Variants in TAB2 observed in about 807,000 individuals in gnomAD.
TAB2 encodes TGF-beta activated kinase 1 (MAP3K7) binding protein 2, also known as TGF-beta-activated kinase 1 and MAP3K7-binding protein 2.
A neutral mutation model predicts 65.0 loss-of-function variants in TAB2; 3 were observed. The ratio of observed to expected loss-of-function variants is 0.05; its 90% confidence interval spans 0.02 to 0.12. The LOEUF (loss-of-function observed/expected upper bound fraction) is 0.12. TAB2 is among the 10% of genes least tolerant of loss of function. TAB2 has a pLI of 1.00. For synonymous variants in TAB2, 298 were observed against 285.1 expected (o/e 1.05, Z -0.46); for missense variants, 623 against 840.3 (o/e 0.74, Z 3.20).
intron 1 of TAB2, among the ~76,000 whole-genome samples, chr6:149,309,497 C>T (rs1194842671): frequency 2.6e-5 from 4 of 151,708 alleles, no homozygotes; most frequent in African/African-American, 9.7e-5. Context: ...CCCAGGTTCA[C>T]ACCTTTCTCC....
intron 3 of TAB2, among the ~76,000 whole-genome samples, chr6:149,383,708 G>T (rs920609571): frequency 6.6e-6 from 1 of 152,056 alleles, no homozygotes; most frequent in Non-Finnish European, 1.5e-5. Context: ...TCAGCCTCCC[G>T]GGTAGCTGTG....
At chr6:149,323,718 A>G (rs1261053017) in intron 1 of TAB2, among the ~76,000 whole-genome samples, 1 of 152,232 alleles carries the variant, frequency 6.6e-6, no homozygotes, top group East Asian at 1.9e-4. Context: ...GACTTCTGTC[A>G]GGTTATGAGG....
chr6:149,351,261 C>A (rs73613059), intron 1 of TAB2, among the ~76,000 whole-genome samples: 1 of 152,078 alleles, frequency 6.6e-6, no homozygotes, highest in African/African-American at 2.4e-5. Context: ...TTTTTTGTCC[C>A]GTATGCATTG....
chr6:149,400,036 A>G (rs1470525471), intron 6 of TAB2, among the ~76,000 whole-genome samples: 1 of 152,266 alleles, frequency 6.6e-6, no homozygotes, highest in Non-Finnish European at 1.5e-5. Context: ...ATAACAAGAC[A>G]ATAAGAGGAA....
At chr6:149,352,326 C>T (rs930290051) in intron 1 of TAB2, among the ~76,000 whole-genome samples, 2 of 152,064 alleles carry the variant, frequency 1.3e-5, no homozygotes, top group Non-Finnish European at 2.9e-5. Context: ...CTACATTTTC[C>T]TACACTCTTA....
At chr6:149,271,921 C>T (rs1199658241) in intron 1 of TAB2, among the ~76,000 whole-genome samples, 2 of 152,064 alleles carry the variant, frequency 1.3e-5, no homozygotes, top group African/African-American at 4.8e-5. Flanking sequence ...AGTGGCCTCA[C>T]ACTCTGAAGG....
chr6:149,218,820 G>A (rs1441285368), intron 1 of TAB2: 10 of 455,188 alleles, frequency 2.2e-5, no homozygotes, highest in South Asian at 1.4e-4. Context: ...AGGATCTTCT[G>A]TGATCTTGTG....
intron 1 of TAB2, among the ~76,000 whole-genome samples, chr6:149,220,205 C>T (rs1777112767): frequency 6.6e-6 from 1 of 152,108 alleles, no homozygotes; most frequent in African/African-American, 2.4e-5. Flanking sequence ...AAATTCAGCT[C>T]TATACAGATA....
chr6:149,236,813 G>C (rs568659988), intron 1 of TAB2, among the ~76,000 whole-genome samples: 2 of 152,264 alleles, frequency 1.3e-5, no homozygotes, highest in East Asian at 1.9e-4. Flanking sequence ...GACAAGAGCT[G>C]TTTGAAGCCA....
At chr6:149,249,035 C>CTA (rs61028510) in intron 1 of TAB2, among the ~76,000 whole-genome samples, 29,157 of 151,770 alleles carry the variant, frequency 0.19, 2,927 homozygotes, top group East Asian at 0.35. Flanking sequence ...AGATTCCTTC[C>CTA]TATATTTTAT....
At chr6:149,405,386 C>G (rs993869429) in intron 6 of TAB2, among the ~76,000 whole-genome samples, 1 of 152,140 alleles carries the variant, frequency 6.6e-6, no homozygotes, top group Non-Finnish European at 1.5e-5. Context: ...TGTATGATCT[C>G]GCAATCGCAC....
At chr6:149,370,488 G>A (rs1260088121) in intron 2 of TAB2, among the ~76,000 whole-genome samples, 1 of 151,900 alleles carries the variant, frequency 6.6e-6, no homozygotes, top group African/African-American at 2.4e-5. Context: ...ATCCTAAATG[G>A]GCACCCCAAG....
At chr6:149,406,354 A>G (rs918304976) in intron 6 of TAB2, among the ~76,000 whole-genome samples, 6 of 152,218 alleles carry the variant, frequency 3.9e-5, no homozygotes, top group Non-Finnish European at 8.8e-5. Context: ...ACACCCTAAA[A>G]AAATGTATGG....
intron 1 of TAB2, among the ~76,000 whole-genome samples, chr6:149,228,465 A>T (rs1205965266): frequency 1.3e-5 from 2 of 151,884 alleles, no homozygotes; most frequent in East Asian, 1.9e-4. Flanking sequence ...GGAGCTCTCA[A>T]CTCTGACTTC....
intron 1 of TAB2, among the ~76,000 whole-genome samples, chr6:149,270,039 G>C (rs1386104663): frequency 1.3e-5 from 2 of 152,226 alleles, no homozygotes; most frequent in Non-Finnish European, 2.9e-5. Context: ...AAAGGGCTGT[G>C]CCATTTTGCA....
At chr6:149,238,832 A>G (rs533404755) in intron 1 of TAB2, among the ~76,000 whole-genome samples, 8 of 152,286 alleles carry the variant, frequency 5.3e-5, no homozygotes, top group Admixed American at 2.6e-4. Context: ...TGTCCCATTC[A>G]AAGGAAGCTT....
At chr6:149,220,213 A>G (rs1777112931) in intron 1 of TAB2, among the ~76,000 whole-genome samples, 1 of 152,230 alleles carries the variant, frequency 6.6e-6, no homozygotes, top group African/African-American at 2.4e-5. Flanking sequence ...CTCTATACAG[A>G]TATGTAGTTG....
At chr6:149,311,905 C>T (rs1353447056) in intron 1 of TAB2, among the ~76,000 whole-genome samples, 1 of 152,184 alleles carries the variant, frequency 6.6e-6, no homozygotes, top group Admixed American at 6.5e-5. Flanking sequence ...GTATTGACCA[C>T]CCAAGCTCAG....
chr6:149,284,379 C>G (rs2114688424), intron 1 of TAB2, among the ~76,000 whole-genome samples: 1 of 152,268 alleles, frequency 6.6e-6, no homozygotes, highest in African/African-American at 2.4e-5. Flanking sequence ...TCCTGTCTTT[C>G]TTATATTTCC....
Sources: allele counts gnomAD v4.1 joint callset (sites outside exome capture counted in the v4.1 genomes callset), GRCh38; gene constraint gnomAD v4.1.1; transcripts MANE v1.5; gene names NCBI Gene and HGNC (gene_info 2026-07-23, HGNC 2026-07-21).